Variants in RBMS3 observed in about 807,000 individuals in gnomAD.
RBMS3 encodes the protein RNA binding motif single stranded interacting protein 3.
In RBMS3, 27 loss-of-function variants were observed where a neutral mutation model predicts 66.8. The observed-to-expected ratio is 0.40, with a 90% confidence interval of 0.30 to 0.56. RBMS3 has a LOEUF of 0.56. Ranked by LOEUF, RBMS3 falls within the 20% of genes least tolerant of loss-of-function variation. The pLI is 0.40. For missense variants in RBMS3, 513 were observed against 549.5 expected, an observed-to-expected ratio of 0.93 and a Z score of 0.66; for synonymous variants, 188 against 183.0, an observed-to-expected ratio of 1.03 and a Z score of -0.22.
intron 12 of RBMS3, among the ~76,000 whole-genome samples, chr3:29,972,492 A>G (rs914409426): frequency 2.0e-5 from 3 of 151,878 alleles, no homozygotes; most frequent in African/African-American, 7.3e-5. Flanking sequence ...CTCACCACCC[A>G]TCTTGGATCA....
rs55943638 is a variant in RBMS3, at chr3:29,688,564, ATTTTTTTTTTTTTTTTTTTTT to A, written c.400-51139_400-51119del. ...TCACATCAGGCACAAAAGTTACAGG[ATTTTTTTTTTTTTTTTTTTTT>A]TTTTTTTTTTTTTTTTGAGATGGAG... On this transcript the variant is annotated intron_variant, in intron 4 of 14. Transcript: ENST00000383767. 2.7e-3 allele frequency among the ~76,000 whole-genome samples: 183 copies of A among 67,134 alleles called. 2 individuals carry two copies. The highest frequency in any genetic ancestry group is 0.013 in the African/African-American group (172 of 13,060). The allele number at this position is 67,134 out of a possible 152,430, so 44.0% of individuals were successfully genotyped here. A position where few individuals can be genotyped will look rare whatever the true frequency, so the allele number is the denominator to read the frequency against.
At position 29,753,163 on chromosome 3, in the gene RBMS3, G is replaced by A. The variant is rs2149368616; in HGVS notation, c.558-9747G>A. Among the ~76,000 whole-genome samples the A allele has an allele frequency of 2.0e-5, 3 of 152,280 alleles. No homozygotes were observed. In the South Asian group the frequency reaches 6.2e-4, roughly 32 times the overall value. On this transcript the variant is annotated intron_variant, in intron 5 of 14. Coordinates refer to ENST00000383767, the MANE Select transcript of RBMS3 (RefSeq NM_001003793.3). ...ATTAGATTACTAACCTCAGGGTTGA[G>A]CCCTTTAATGAATAGCAAAATGAAA...
At chr3:29,972,656 C>G (rs1015990681) in intron 12 of RBMS3, among the ~76,000 whole-genome samples, 1 of 152,068 alleles carries the variant, frequency 6.6e-6, no homozygotes, top group Non-Finnish European at 1.5e-5. Context: ...TCAACATTTT[C>G]TCTTGTTTAG....
chr3:29,421,343 A>G (rs1465928609), intron 1 of RBMS3, among the ~76,000 whole-genome samples: 26 of 151,876 alleles, frequency 1.7e-4, no homozygotes, highest in Non-Finnish European at 2.9e-5. Context: ...AATTCGGGAG[A>G]TAATTAAACT....
At chr3:29,536,066 T>C (rs75945870) in intron 3 of RBMS3, among the ~76,000 whole-genome samples, 2,157 of 152,254 alleles carry the variant, frequency 0.014, 42 homozygotes, top group African/African-American at 0.048. Context: ...TCTGAATCTC[T>C]TAACAAGGAT....
intron 4 of RBMS3, among the ~76,000 whole-genome samples, chr3:29,721,458 G>A (rs6783423): frequency 0.52 from 79,258 of 151,936 alleles, 21,352 homozygotes; most frequent in African/African-American, 0.66. Context: ...TCTTTCACAG[G>A]TAATTCTTTG....
At chr3:29,298,052 T>C (rs1375586702) in intron 1 of RBMS3, among the ~76,000 whole-genome samples, 1 of 151,892 alleles carries the variant, frequency 6.6e-6, no homozygotes, top group Admixed American at 6.6e-5. Context: ...TTTGTTAATC[T>C]TCCTCCAATT....
intron 1 of RBMS3, among the ~76,000 whole-genome samples, chr3:29,356,241 C>T (rs1026581726): frequency 1.3e-5 from 2 of 152,164 alleles, no homozygotes; most frequent in African/African-American, 4.8e-5. Flanking sequence ...AACAGTTTCT[C>T]TCACCTCTGT....
chr3:29,915,979 A>G (rs1192436733), intron 10 of RBMS3, among the ~76,000 whole-genome samples: 6 of 152,000 alleles, frequency 3.9e-5, no homozygotes, highest in African/African-American at 1.2e-4. Context: ...TACTGCAATC[A>G]CCCTTGCTTA....
At chr3:29,786,642 T>C (rs1302681206) in intron 6 of RBMS3, among the ~76,000 whole-genome samples, 1 of 152,130 alleles carries the variant, frequency 6.6e-6, no homozygotes, top group East Asian at 1.9e-4. Context: ...AAGCCACATG[T>C]AGAAGAATGA....
intron 4 of RBMS3, among the ~76,000 whole-genome samples, chr3:29,736,018 G>A (rs1159263145): frequency 6.6e-6 from 1 of 152,124 alleles, no homozygotes; most frequent in African/African-American, 2.4e-5. Flanking sequence ...TAAAAGGAAA[G>A]AGTTCTTTGT....
rs574350915 is a variant in RBMS3, at chr3:29,813,649, T to C, written c.637+50660T>C. ...CTTCCATTTGTTTCTATCCTCTTTT[T>C]TTTCGTTGAGCCGTGGTTTGTAGTT... On this transcript the variant is annotated intron_variant, in intron 6 of 14. Coordinates refer to ENST00000383767, the MANE Select transcript of RBMS3 (RefSeq NM_001003793.3). Among the ~76,000 whole-genome samples the C allele has an allele frequency of 1.1e-4, 16 of 152,250 alleles. No individual in the cohort carries two copies. The East Asian group carries it at 3.1e-3, about 29-fold the overall frequency.
chr3:29,285,441 GCA>G (rs951373723), intron 1 of RBMS3, among the ~76,000 whole-genome samples: 1 of 151,972 alleles, frequency 6.6e-6, no homozygotes, highest in African/African-American at 2.4e-5. Context: ...AGTTACCTAA[GCA>G]CACACAGCAA....
Position 29,572,243 on chromosome 3 carries a change from T to C in RBMS3, c.308-14871T>C, listed in dbSNP as rs572624124. 9.8e-3 allele frequency among the ~76,000 whole-genome samples: 1,491 copies of C among 152,196 alleles called. 29 individuals carry two copies. Among genetic ancestry groups the C allele is most frequent in the African/African-American group, 0.035 (1,437 of 41,516 alleles). ...AAACGAGGATAATTTGACTTCTTTC[T>C]TTGTCATTTGGATGCCCTTTATTTC... is the stretch of plus-strand genomic sequence containing the variant. On this transcript the variant is annotated intron_variant, in intron 3 of 14. Coordinates refer to ENST00000383767, the MANE Select transcript of RBMS3 (RefSeq NM_001003793.3).
intron 5 of RBMS3, among the ~76,000 whole-genome samples, chr3:29,741,830 G>T (rs529223714): frequency 1.1e-4 from 17 of 152,166 alleles, no homozygotes; most frequent in Non-Finnish European, 2.4e-4. Flanking sequence ...GTAAATGGCT[G>T]TGTTCCCCTT....
chr3:29,974,370 T>C (rs932786261), intron 12 of RBMS3, among the ~76,000 whole-genome samples: 2 of 151,952 alleles, frequency 1.3e-5, no homozygotes, highest in Admixed American at 1.3e-4. Flanking sequence ...TGTATCCTTT[T>C]GAATGAATAA....
chr3:29,484,649 A>G (rs2043256295), intron 2 of RBMS3, among the ~76,000 whole-genome samples: 1 of 152,126 alleles, frequency 6.6e-6, no homozygotes, highest in Non-Finnish European at 1.5e-5. Flanking sequence ...ACTTGTTAAA[A>G]CTTCAGAATA....
chr3:29,816,349 C>CAT (rs1399067928), intron 6 of RBMS3, among the ~76,000 whole-genome samples: 2 of 147,986 alleles, frequency 1.4e-5, no homozygotes, highest in Non-Finnish European at 3.0e-5. Flanking sequence ...CACACACACA[C>CAT]ATTTCACTGG....
chr3:29,947,914 G>A (rs1206228396), intron 12 of RBMS3, among the ~76,000 whole-genome samples: 3 of 150,900 alleles, frequency 2.0e-5, no homozygotes, highest in African/African-American at 4.9e-5. Context: ...ATCAAAATCT[G>A]TCCTCTTTTT....
Sources: gnomAD v4.1 joint callset for allele counts (sites outside exome capture counted in the v4.1 genomes callset) on GRCh38, gnomAD v4.1.1 for gene constraint, MANE v1.5 for transcripts, NCBI Gene and HGNC (gene_info 2026-07-23, HGNC 2026-07-21) for gene names.